Variants in RNLS observed in about 807,000 individuals in gnomAD.
The protein encoded by RNLS is renalase, FAD dependent amine oxidase, also known as renalase.
Under a neutral mutation model 39.8 loss-of-function variants are expected in RNLS, and 39 were observed. That is an observed-to-expected ratio of 0.98 (90% CI 0.76 to 1.28). The LOEUF (loss-of-function observed/expected upper bound fraction) is 1.28, where lower values mean the gene tolerates loss of function less well. RNLS is among the 50% of genes most tolerant of loss of function. RNLS has a pLI of 0.00. For missense variants in RNLS, 410 were observed against 413.3 expected (o/e 0.99, Z 0.07); for synonymous variants, 147 against 150.7 (o/e 0.98, Z 0.18).
chr10:88,335,085 A>G (rs1357008115), intron 5 of RNLS, among the ~76,000 whole-genome samples: 1 of 152,214 alleles, frequency 6.6e-6, no homozygotes, highest in African/African-American at 2.4e-5. Context: ...CTATCAAAAT[A>G]TCTATTTATT....
chr10:88,328,838 C>G (rs542557909), intron 5 of RNLS, among the ~76,000 whole-genome samples: 7 of 152,176 alleles, frequency 4.6e-5, no homozygotes, highest in Non-Finnish European at 8.8e-5. Flanking sequence ...GATTCTCCCT[C>G]TAGGCTCATT....
chr10:88,433,261 C>T (rs1855245009), intron 4 of RNLS, among the ~76,000 whole-genome samples: 1 of 151,954 alleles, frequency 6.6e-6, no homozygotes, highest in Non-Finnish European at 1.5e-5. Context: ...TGGAAGGTCC[C>T]TTTCTGAAAG....
the RNLS span, among the ~76,000 whole-genome samples, chr10:88,233,943 G>A: frequency 1.3e-5 from 2 of 151,140 alleles, no homozygotes; most frequent in East Asian, 3.9e-4. Context: ...TGAGGGTTTG[G>A]GGGAATCAAC....
chr10:88,368,777 T>A (rs1004324784), intron 4 of RNLS, among the ~76,000 whole-genome samples: 4 of 152,154 alleles, frequency 2.6e-5, no homozygotes, highest in African/African-American at 9.6e-5. Flanking sequence ...TGCAGATTTT[T>A]ATCTATGTTT....
At chr10:88,523,809 T>C (rs1284477945) in intron 4 of RNLS, among the ~76,000 whole-genome samples, 1 of 152,106 alleles carries the variant, frequency 6.6e-6, no homozygotes, top group East Asian at 1.9e-4. Flanking sequence ...GCCGCATCAC[T>C]ACTCAATTTA....
chr10:88,458,165 C>A (rs4933483), intron 4 of RNLS, among the ~76,000 whole-genome samples: 28,543 of 152,074 alleles, frequency 0.19, 2,935 homozygotes, highest in Middle Eastern at 0.29. Flanking sequence ...TCCCTTCTAG[C>A]AGGACATGTT....
At chr10:88,259,876 G>A in the RNLS span, among the ~76,000 whole-genome samples, 1 of 151,978 alleles carries the variant, frequency 6.6e-6, no homozygotes, top group East Asian at 1.9e-4. Context: ...CCCAACTCTA[G>A]GACTACAGGT....
chr10:88,413,173 C>A (rs986012834), intron 4 of RNLS, among the ~76,000 whole-genome samples: 6 of 152,124 alleles, frequency 3.9e-5, no homozygotes, highest in Non-Finnish European at 4.4e-5. Context: ...ATACCTTGCT[C>A]CCATATCCTT....
At chr10:88,582,824 G>C (rs1424546783) in intron 1 of RNLS, among the ~76,000 whole-genome samples, 1 of 152,198 alleles carries the variant, frequency 6.6e-6, no homozygotes, top group Admixed American at 6.5e-5. Flanking sequence ...TGTAGAGCGC[G>C]GGGTACTCCT....
At chr10:88,489,636 T>A (rs1231881974) in intron 4 of RNLS, among the ~76,000 whole-genome samples, 1 of 152,166 alleles carries the variant, frequency 6.6e-6, no homozygotes, top group Non-Finnish European at 1.5e-5. Context: ...CCCCATTTTC[T>A]CACAAGAACA....
the RNLS span, among the ~76,000 whole-genome samples, chr10:88,194,650 G>A: frequency 6.6e-6 from 1 of 152,184 alleles, no homozygotes; most frequent in Non-Finnish European, 1.5e-5. Flanking sequence ...AGTCTTGTTT[G>A]TAAACCACAT....
In RNLS at chr10:88,573,056, C is replaced by A. The variant is rs1172912670; in HGVS notation, c.373G>T (p.Glu125Ter). The change falls in exon 4 of 7, where the codon GAA (glutamate) becomes TAA (stop). Residue 125 changes from glutamate (E) to a stop codon, truncating the protein, a stop_gained. Transcript: ENST00000331772. LOFTEE classifies it high-confidence loss of function. Reference protein sequence around the residue: ...IKHYLKESGAEVYFRHRVTQI... With the variant: ...IKHYLKESGA ...GTCACACGATGTCTGAAGTAGACTT[C>A]TGCACCTGTTCCAAAAGCAAAATCA... 5 of 1,613,338 alleles carry A rather than the reference C, an allele frequency of 3.1e-6. No homozygotes were observed. Among genetic ancestry groups the A allele is most frequent in the Non-Finnish European group, 4.2e-6 (5 of 1,179,546 alleles).
At chr10:88,513,084 A>C (rs1405090488) in intron 4 of RNLS, among the ~76,000 whole-genome samples, 1 of 152,108 alleles carries the variant, frequency 6.6e-6, no homozygotes, top group African/African-American at 2.4e-5. Context: ...AAATTCAAAA[A>C]TGTAGAAAAA....
At chr10:88,399,621 A>C (rs1040595982) in intron 4 of RNLS, among the ~76,000 whole-genome samples, 2 of 152,034 alleles carry the variant, frequency 1.3e-5, no homozygotes, top group East Asian at 3.9e-4. Flanking sequence ...CAGAGGTGGG[A>C]ATGGAGAGTA....
At chr10:88,363,233 G>A (rs992659843) in intron 4 of RNLS, among the ~76,000 whole-genome samples, 2 of 151,968 alleles carry the variant, frequency 1.3e-5, no homozygotes, top group Non-Finnish European at 2.9e-5. Context: ...ACACACACTG[G>A]GGTCTGTTGG....
At chr10:88,204,976 T>TA in the RNLS span, among the ~76,000 whole-genome samples, 1 of 152,160 alleles carries the variant, frequency 6.6e-6, no homozygotes, top group Non-Finnish European at 1.5e-5. Flanking sequence ...AATGCTATGA[T>TA]AGAATATCCA....
At chr10:88,476,579 T>C (rs1843834389) in intron 4 of RNLS, among the ~76,000 whole-genome samples, 1 of 152,182 alleles carries the variant, frequency 6.6e-6, no homozygotes, top group African/African-American at 2.4e-5. Flanking sequence ...CATTCCTTTA[T>C]CTTATTCATC....
At chr10:88,303,425 T>C (rs899288029) in intron 6 of RNLS, among the ~76,000 whole-genome samples, 1 of 152,162 alleles carries the variant, frequency 6.6e-6, no homozygotes. Flanking sequence ...CATGCCTGCT[T>C]GCAGGGCAGT....
chr10:88,283,400 C>T (rs148849866), downstream of RNLS, among the ~76,000 whole-genome samples: 973 of 152,142 alleles, frequency 6.4e-3, 6 homozygotes, highest in African/African-American at 0.022. Flanking sequence ...CAACCCATCC[C>T]AGCTTTACAA....
Sources: allele counts gnomAD v4.1 joint callset (sites outside exome capture counted in the v4.1 genomes callset), GRCh38; gene constraint gnomAD v4.1.1; transcripts MANE v1.5; gene names NCBI Gene and HGNC (gene_info 2026-07-23, HGNC 2026-07-21).